VASH2: variants seen among roughly 807,000 people sequenced by gnomAD.
VASH2 encodes tubulinyl-Tyr carboxypeptidase 2.
In VASH2, 28 loss-of-function variants were observed where a neutral mutation model predicts 37.2. The ratio of observed to expected loss-of-function variants is 0.75; its 90% CI spans 0.56 to 1.03. VASH2 has a LOEUF of 1.03. Among genes scored for constraint, VASH2 ranks in the 50% least tolerant of loss-of-function variants. VASH2 has a pLI of 0.00. For missense variants in VASH2, 419 were observed against 459.1 expected (o/e 0.91, Z 0.80); for synonymous variants, 188 against 174.7 (o/e 1.08, Z -0.60).
At position 212,990,699 on chromosome 1, in the gene VASH2, T is replaced by C. The variant is rs544177238; in HGVS notation, c.*2115T>C. 5.9e-5 allele frequency: 9 copies of C among 152,358 alleles called. No individual in the cohort carries two copies. The East Asian group carries it at 7.7e-4, about 13-fold the overall frequency. 9.4% of individuals were successfully genotyped at this position (152,358 alleles called of 1,614,324 possible). A position where few individuals can be genotyped will look rare whatever the true frequency, so the allele number is the denominator to read the frequency against. On this transcript the variant is annotated 3_prime_UTR_variant, in exon 8 of 8. Coordinates refer to ENST00000517399, the MANE Select transcript of VASH2 (RefSeq NM_001301056.2). The stretch of plus-strand genomic sequence containing the variant: ...GCCTTAGAACTGCCAACTGGCTTGA[T>C]GGTTCAATTAGTAAGCTAATTTCTC...
At chr1:212,970,342 A>T (rs1666972576) in intron 5 of VASH2, among the ~76,000 whole-genome samples, 2 of 152,076 alleles carry the variant, frequency 1.3e-5, no homozygotes, top group Non-Finnish European at 2.9e-5. Flanking sequence ...GACATGAGGG[A>T]CTGGTGCTCT....
intron 7 of VASH2, among the ~76,000 whole-genome samples, chr1:212,984,911 G>C (rs1017050036): frequency 2.6e-5 from 4 of 152,198 alleles, no homozygotes; most frequent in South Asian, 4.1e-4. Flanking sequence ...CTTGCTAGGA[G>C]CATGTTCTCC....
chr1:212,989,033 C>T lies in VASH2; in HGVS notation c.*449C>T, dbSNP rs2075827327. The T allele has an allele frequency of 6.1e-6, 1 of 162,960 alleles. No homozygotes were observed. The highest frequency in any genetic ancestry group is 1.4e-5 in the Non-Finnish European group (1 of 73,316). 10.1% of individuals were successfully genotyped at this position (162,960 alleles called of 1,614,324 possible). Reference sequence around the variant, plus strand: ...GTGGGTTTTTTTTAAGCAGTTATTACCTCAGCATTTTGACATCAGATATGC... The same window carrying T: ...GTGGGTTTTTTTTAAGCAGTTATTATCTCAGCATTTTGACATCAGATATGC... On this transcript the variant is annotated 3_prime_UTR_variant, in exon 8 of 8. Coordinates refer to ENST00000517399, the MANE Select transcript of VASH2 (RefSeq NM_001301056.2).
rs1416148134 is a variant in VASH2, at chr1:212,973,790, G to C, written c.880-165G>C. On this transcript the variant is annotated intron_variant, in intron 6 of 7. Transcript: ENST00000517399. ...TGCTTGACAGTACAGGACGAGAGAG[G>C]AATGTGTGTGTCTCCAGCCTCCTTT... The C allele has an allele frequency of 7.8e-6, 11 of 1,403,728 alleles. No individual in the cohort carries two copies. The African/African-American group carries it at 1.5e-4, about 19-fold the overall frequency. The allele number at this position is 1,403,728 out of a possible 1,614,324, so 87.0% of individuals were successfully genotyped here. A position where few individuals can be genotyped will look rare whatever the true frequency, so the allele number is the denominator to read the frequency against.
intron 5 of VASH2, among the ~76,000 whole-genome samples, chr1:212,972,039 C>A (rs773226490): frequency 6.6e-6 from 1 of 152,162 alleles, no homozygotes; most frequent in East Asian, 1.9e-4. Context: ...TGCTGCTGCT[C>A]CCCCTTCCCT....
rs2075836006 is a variant in VASH2, at chr1:212,989,532, T to C, written c.*948T>C. On this transcript the variant is annotated 3_prime_UTR_variant, in exon 8 of 8. Transcript: ENST00000517399. ...TTCACATTTCATCTGATTTTTAAAC[T>C]GAGGCAGGCTTTGATTCTTCTGAAG... 1 of 152,234 alleles carries C rather than the reference T, an allele frequency of 6.6e-6. No individual in the cohort carries two copies. The highest frequency in any genetic ancestry group is 1.5e-5 in the Non-Finnish European group (1 of 68,034). The allele number at this position is 152,234 out of a possible 1,614,324, so 9.4% of individuals were successfully genotyped here.
At chr1:212,963,653 G>T (rs544834902) in intron 3 of VASH2, among the ~76,000 whole-genome samples, 2 of 152,020 alleles carry the variant, frequency 1.3e-5, no homozygotes, top group African/African-American at 4.8e-5. Context: ...CAGCAAATTC[G>T]GGCTCAGTGA....
At chr1:212,961,338 C>T in intron 3 of VASH2, 84 bp downstream of exon 3, 2 of 1,603,300 alleles carry the variant, frequency 1.2e-6, no homozygotes, top group Non-Finnish European at 1.7e-6. Flanking sequence ...CTGTCCCCAG[C>T]TGGTCATCAA....
intron 7 of VASH2, 130 bp from the exon 8 acceptor site, chr1:212,988,382 G>A (rs1054166765): frequency 2.0e-5 from 17 of 869,718 alleles, no homozygotes; most frequent in African/African-American, 3.3e-5. Context: ...AGGCTGGCAG[G>A]GTGGGGGAAT....
At chr1:212,957,414 T>C (rs6688741) in intron 2 of VASH2, among the ~76,000 whole-genome samples, 21,005 of 152,132 alleles carry the variant, frequency 0.14, 2,597 homozygotes, top group African/African-American at 0.3. Context: ...TTGTCACCAA[T>C]GCATCCCCAG....
intron 7 of VASH2, among the ~76,000 whole-genome samples, chr1:212,984,714 A>G (rs1267743024): frequency 6.6e-6 from 1 of 152,238 alleles, no homozygotes; most frequent in Non-Finnish European, 1.5e-5. Flanking sequence ...TACAAGGACC[A>G]TGGAACAAGA....
At chr1:212,976,926 C>T (rs559118355) in intron 7 of VASH2, among the ~76,000 whole-genome samples, 1 of 152,286 alleles carries the variant, frequency 6.6e-6, no homozygotes, top group Non-Finnish European at 1.5e-5. Context: ...CGACCCCAGC[C>T]CCACTGGGGG....
rs569144793 is a variant in VASH2 at position 212,971,846 on chromosome 1, G to A, written c.498-734G>A. On this transcript the variant is annotated intron_variant, in intron 5 of 7. Transcript: ENST00000517399. This position sits in a 1 kb window ranked among gnomAD's most constrained non-coding sequence, Gnocchi z 4.0. ...AGTGCACATCCACAATCTAAGGTTC[G>A]TTCTTTCTGTAAGCATTAAACAAGC... Among the ~76,000 whole-genome samples the A allele has an allele frequency of 1.5e-3, 224 of 152,074 alleles. 1 individual carries two copies. The highest frequency in any genetic ancestry group is 2.6e-3 in the Non-Finnish European group (177 of 67,992).
At chr1:212,956,527 G>A (rs2102620319) in intron 2 of VASH2, among the ~76,000 whole-genome samples, 1 of 152,308 alleles carries the variant, frequency 6.6e-6, no homozygotes, top group Non-Finnish European at 1.5e-5. Flanking sequence ...GTTTCAGGTA[G>A]TACAGCAATT....
intron 3 of VASH2, among the ~76,000 whole-genome samples, chr1:212,965,217 T>G (rs1666803914): frequency 6.6e-6 from 1 of 152,182 alleles, no homozygotes; most frequent in Non-Finnish European, 1.5e-5. Flanking sequence ...CACCTGGCCT[T>G]CTGCCAGGTT....
Position 212,951,477 on chromosome 1 carries a change from C to T in VASH2, c.-66C>T, listed in dbSNP as rs1048674960. On this transcript the variant is annotated 5_prime_UTR_variant, in exon 2 of 8. Coordinates refer to ENST00000517399, the MANE Select transcript of VASH2 (RefSeq NM_001301056.2). This position sits in a 1 kb window ranked among gnomAD's most constrained non-coding sequence, Gnocchi z 4.4. ...TCGCCGCGCCCGCGCGCACACGCCC[C>T]CCGCCGCCGCCGCCGCTGCCGCCGC... 7 of 1,067,862 alleles carry T rather than the reference C, an allele frequency of 6.6e-6. No individual in the cohort carries two copies. Among genetic ancestry groups the T allele is most frequent in the African/African-American group, 5.0e-5 (3 of 59,430 alleles). 66.1% of individuals were successfully genotyped at this position (1,067,862 alleles called of 1,614,324 possible).
rs563879356 is a variant in VASH2 at position 212,950,934 on chromosome 1, C to T, written c.-205+194C>T. Among the ~76,000 whole-genome samples the T allele has an allele frequency of 6.6e-6, 1 of 152,260 alleles. No individual in the cohort carries two copies. The highest frequency in any genetic ancestry group is 2.4e-5 in the African/African-American group (1 of 41,482). On this transcript the variant is annotated intron_variant, in intron 1 of 7. Coordinates refer to ENST00000517399, the MANE Select transcript of VASH2 (RefSeq NM_001301056.2). This position sits in a 1 kb window ranked among gnomAD's most constrained non-coding sequence, Gnocchi z 5.5. ...CAAGCCAAGGCTGCTGCAGCGCCCT[C>T]GCGCCAGCTCTGGGCGCTCACATGC...
At chr1:212,981,612 A>G (rs966677411) in intron 7 of VASH2, among the ~76,000 whole-genome samples, 4 of 152,194 alleles carry the variant, frequency 2.6e-5, no homozygotes, top group African/African-American at 9.7e-5. Flanking sequence ...TCTAACGTTT[A>G]CAGTGGCACT....
intron 4 of VASH2, 70 bp downstream of exon 4, chr1:212,965,848 A>G: frequency 7.0e-7 from 1 of 1,423,240 alleles, no homozygotes; most frequent in South Asian, 1.2e-5. Flanking sequence ...TCCTCTCCCA[A>G]CCTCTATTCC....
Sources: gnomAD v4.1 joint callset for allele counts (sites outside exome capture counted in the v4.1 genomes callset) on GRCh38, gnomAD v4.1.1 for gene constraint, Gnocchi (gnomAD v3.1) non-coding constraint, MANE v1.5 for transcripts, NCBI Gene and HGNC (gene_info 2026-07-23, HGNC 2026-07-21) for gene names.